LRRC4C: variants seen among roughly 807,000 people sequenced by gnomAD.
LRRC4C encodes leucine rich repeat containing 4C, also known as leucine-rich repeat-containing protein 4C.
A neutral mutation model predicts 33.6 loss-of-function variants in LRRC4C; 5 were observed. The ratio of observed to expected loss-of-function variants is 0.15; its 90% CI spans 0.08 to 0.31. LRRC4C has a LOEUF of 0.31. LRRC4C is among the 10% of genes least tolerant of loss of function. The pLI, the probability that LRRC4C is intolerant of heterozygous loss-of-function variation, is 1.00. For missense variants in LRRC4C, 560 were observed against 796.7 expected (o/e 0.70, Z 3.58); for synonymous variants, 329 against 302.0 (o/e 1.09, Z -0.93).
At chr11:40,725,474 C>T (rs1281129666) in intron 2 of LRRC4C, among the ~76,000 whole-genome samples, 1 of 151,514 alleles carries the variant, frequency 6.6e-6, no homozygotes, top group Non-Finnish European at 1.5e-5. Flanking sequence ...CGAGAATCCA[C>T]CACTGCACTC....
chr11:40,967,200 G>T (rs932381744), intron 1 of LRRC4C, among the ~76,000 whole-genome samples: 10 of 151,742 alleles, frequency 6.6e-5, no homozygotes, highest in African/African-American at 2.4e-4. Context: ...AGGGAGAAAA[G>T]AAGGAAGGAA....
At chr11:40,151,775 T>A (rs1278548573) in intron 5 of LRRC4C, among the ~76,000 whole-genome samples, 1 of 152,218 alleles carries the variant, frequency 6.6e-6, no homozygotes, top group Admixed American at 6.5e-5. Flanking sequence ...ATGAGATCTC[T>A]GTCATTATTC....
At chr11:41,063,858 TATCA>T (rs2083543985) in intron 1 of LRRC4C, among the ~76,000 whole-genome samples, 1 of 152,256 alleles carries the variant, frequency 6.6e-6, no homozygotes, top group Admixed American at 6.5e-5. Context: ...GTAGAGAAAG[TATCA>T]ATCAGATCAT....
At position 40,796,924 on chromosome 11, in the gene LRRC4C, G is replaced by T. The variant is rs375712064; in HGVS notation, c.-407+136711C>A. On this transcript the variant is annotated intron_variant, in intron 2 of 6. Transcript: ENST00000528697. ...GGCCTCCCCAAGTGCTGGGTTACAG[G>T]CATGAGCCACCACGCCTAAGCCATA... Among the ~76,000 whole-genome samples, 28 of 152,200 alleles carry T rather than the reference G, an allele frequency of 1.8e-4. No homozygotes were observed. The South Asian group carries it at 5.0e-3, about 27-fold the overall frequency.
At chr11:40,138,170 CT>C (rs61229648) in intron 6 of LRRC4C, among the ~76,000 whole-genome samples, 12,744 of 141,380 alleles carry the variant, frequency 0.09, 1,407 homozygotes, top group African/African-American at 0.27. Flanking sequence ...GACATTTTTT[CT>C]TTTTTTTTTT....
At chr11:40,909,467 T>A (rs1418060916) in intron 2 of LRRC4C, among the ~76,000 whole-genome samples, 1 of 152,066 alleles carries the variant, frequency 6.6e-6, no homozygotes, top group East Asian at 1.9e-4. Context: ...AAGCAATAAA[T>A]AAACAGCAGA....
intron 1 of LRRC4C, among the ~76,000 whole-genome samples, chr11:41,113,120 T>C (rs1941936690): frequency 6.6e-6 from 1 of 152,100 alleles, no homozygotes; most frequent in Non-Finnish European, 1.5e-5. Flanking sequence ...TGTACATATT[T>C]GCTAAGACAT....
intron 3 of LRRC4C, among the ~76,000 whole-genome samples, chr11:40,441,539 C>T (rs1951395908): frequency 6.6e-6 from 1 of 152,134 alleles, no homozygotes; most frequent in Admixed American, 6.5e-5. Flanking sequence ...CTCAAAGAGC[C>T]TTGGCTAATT....
intron 1 of LRRC4C, among the ~76,000 whole-genome samples, chr11:41,001,453 T>C (rs1254812398): frequency 6.6e-6 from 1 of 151,862 alleles, no homozygotes; most frequent in Non-Finnish European, 1.5e-5. Context: ...AATAAGGGAG[T>C]TGGTGACAAG....
chr11:41,082,427 CT>C (rs537908452), intron 1 of LRRC4C, among the ~76,000 whole-genome samples: 34,632 of 114,166 alleles, frequency 0.3, 4,262 homozygotes, highest in Middle Eastern at 0.43. Flanking sequence ...AAATCTCACG[CT>C]TTTTTTTTTT....
intron 1 of LRRC4C, among the ~76,000 whole-genome samples, chr11:41,274,767 G>T (rs757144865): frequency 6.6e-6 from 1 of 151,998 alleles, no homozygotes; most frequent in Non-Finnish European, 1.5e-5. Flanking sequence ...TCACTCTTTG[G>T]GTCCATTCCA....
chr11:41,383,054 A>T (rs898490626), intron 1 of LRRC4C, among the ~76,000 whole-genome samples: 2 of 151,964 alleles, frequency 1.3e-5, no homozygotes, highest in African/African-American at 4.8e-5. Flanking sequence ...GTGGAATGTG[A>T]CTCTATATCA....
Position 40,616,965 on chromosome 11 carries a change from T to A in LRRC4C, c.-270+31177A>T, listed in dbSNP as rs568540679. Among the ~76,000 whole-genome samples, 7 of 151,792 alleles carry A rather than the reference T, an allele frequency of 4.6e-5. No homozygotes were observed. The South Asian group carries it at 1.5e-3, about 31-fold the overall frequency. Reference sequence around the variant, plus strand: ...AAGAGAATATCATGTTTTATTTTGTTTAGATCTTTACCAATAGCTGGTCTT... The same window carrying A: ...AAGAGAATATCATGTTTTATTTTGTATAGATCTTTACCAATAGCTGGTCTT... On this transcript the variant is annotated intron_variant, in intron 3 of 6. Transcript: ENST00000528697.
chr11:41,123,276 T>G (rs1235151134), intron 1 of LRRC4C, among the ~76,000 whole-genome samples: 12 of 116,256 alleles, frequency 1.0e-4, no homozygotes, highest in African/African-American at 3.2e-4. Flanking sequence ...TTTTTTTTTT[T>G]TTTTTTTTTT....
At chr11:41,090,204 T>C (rs1328998799) in intron 1 of LRRC4C, among the ~76,000 whole-genome samples, 1 of 151,996 alleles carries the variant, frequency 6.6e-6, no homozygotes, top group African/African-American at 2.4e-5. Context: ...ATGAGTTATA[T>C]AGGGAGAGAT....
At chr11:41,260,656 A>G (rs1257600456) in intron 1 of LRRC4C, among the ~76,000 whole-genome samples, 2 of 151,936 alleles carry the variant, frequency 1.3e-5, no homozygotes, top group Non-Finnish European at 2.9e-5. Context: ...TCTTTTCTTG[A>G]AGGTAATAAG....
chr11:41,268,528 CTATT>C (rs1230080845), intron 1 of LRRC4C, among the ~76,000 whole-genome samples: 1 of 152,102 alleles, frequency 6.6e-6, no homozygotes, highest in African/African-American at 2.4e-5. Flanking sequence ...ATCTTGAAAA[CTATT>C]TATTTTCAAA....
At chr11:41,129,933 T>C (rs1942933718) in intron 1 of LRRC4C, among the ~76,000 whole-genome samples, 1 of 151,944 alleles carries the variant, frequency 6.6e-6, no homozygotes, top group African/African-American at 2.4e-5. Flanking sequence ...GATTACATCT[T>C]TCCTCTTATG....
chr11:40,330,633 G>A (rs1182248251), intron 3 of LRRC4C, among the ~76,000 whole-genome samples: 3 of 152,106 alleles, frequency 2.0e-5, no homozygotes, highest in Non-Finnish European at 1.5e-5. Flanking sequence ...TCTTCACAGG[G>A]TGGCAGGAGA....
Sources: gnomAD v4.1 joint callset for allele counts (sites outside exome capture counted in the v4.1 genomes callset) on GRCh38, gnomAD v4.1.1 for gene constraint, MANE v1.5 for transcripts, NCBI Gene and HGNC (gene_info 2026-07-23, HGNC 2026-07-21) for gene names.